The following ZC3H8 variants were observed in gnomAD, a reference collection of about 807,000 sequenced individuals.
ZC3H8 encodes zinc finger CCCH domain-containing protein 8.
In ZC3H8, 27 loss-of-function variants were observed where a neutral mutation model predicts 42.5. The ratio of observed to expected loss-of-function variants is 0.64; its 90% CI spans 0.47 to 0.88. The LOEUF is 0.88. Among genes scored for constraint, ZC3H8 ranks in the 40% least tolerant of loss-of-function variants. ZC3H8 has a pLI of 0.00. For synonymous variants in ZC3H8, 101 were observed against 110.1 expected, an observed-to-expected ratio of 0.92 and a Z score of 0.52; for missense variants, 277 against 336.1, an observed-to-expected ratio of 0.82 and a Z score of 1.37.
intron 2 of ZC3H8, among the ~76,000 whole-genome samples, chr2:112,248,990 T>C (rs1334302708): frequency 6.6e-6 from 1 of 151,858 alleles, no homozygotes; most frequent in African/African-American, 2.4e-5. Flanking sequence ...ACCCCAGGAG[T>C]TCGAGACCAG....
At chr2:112,254,767 GC>G in intron 1 of ZC3H8, 140 bp downstream of exon 1, 2 of 965,338 alleles carry the variant, frequency 2.1e-6, no homozygotes, top group Non-Finnish European at 3.0e-6. Context: ...AGACGGTGGC[GC>G]CCGGCCGGCC....
chr2:112,233,433 A>C, intron 5 of ZC3H8, 62 bp from the exon 6 acceptor site: 1 of 1,101,476 alleles, frequency 9.1e-7, no homozygotes, highest in Non-Finnish European at 1.3e-6. Flanking sequence ...ATTATGATTT[A>C]ATTCCTACTA....
chr2:112,240,320 GATCCTTTATGAAA>G lies in ZC3H8; in HGVS notation c.157-1805_157-1793del, dbSNP rs528155344. The G allele has an allele frequency of 1.9e-4, 29 of 152,290 alleles. No homozygotes were observed. In the East Asian group the frequency reaches 5.0e-3, roughly 26 times the overall value. 9.4% of individuals were successfully genotyped at this position (152,290 alleles called of 1,614,324 possible). ...ACAAAGGTGAAAAGATTCACTAACT[GATCCTTTATGAAA>G]AGGTTGGCCGACTCCTGTGATAGAT... On this transcript the variant is annotated intron_variant, in intron 2 of 8. Coordinates refer to ENST00000409573, the MANE Select transcript of ZC3H8 (RefSeq NM_032494.3).
chr2:112,216,524 G>A (rs1385522181), intron 8 of ZC3H8, 56 bp from the exon 9 acceptor site: 1 of 152,178 alleles, frequency 6.6e-6, no homozygotes, highest in Admixed American at 6.5e-5. Flanking sequence ...TACCAGCAGA[G>A]CCGCCCTTAC....
chr2:112,219,914 T>C (rs1039526204), intron 8 of ZC3H8, among the ~76,000 whole-genome samples: 1 of 152,216 alleles, frequency 6.6e-6, no homozygotes, highest in Non-Finnish European at 1.5e-5. Context: ...ACTTCATAGG[T>C]CTTTAAAAAT....
chr2:112,235,033 T>G (rs935401853), intron 4 of ZC3H8, among the ~76,000 whole-genome samples: 1 of 152,032 alleles, frequency 6.6e-6, no homozygotes, highest in Non-Finnish European at 1.5e-5. Context: ...GATAAAGGTA[T>G]AAAAGGAGAT....
chr2:112,253,155 C>G (rs1029025508), intron 1 of ZC3H8, among the ~76,000 whole-genome samples: 1 of 151,892 alleles, frequency 6.6e-6, no homozygotes, highest in Non-Finnish European at 1.5e-5. Flanking sequence ...AAAAAACCCA[C>G]AAAACTACTC....
chr2:112,254,781 C>T lies in ZC3H8; in HGVS notation c.74+127G>A, dbSNP rs1055192847. The T allele has an allele frequency of 7.1e-6, 8 of 1,133,334 alleles. No individual in the cohort carries two copies. In the Admixed American group the frequency reaches 2.1e-4, roughly 29 times the overall value. 70.2% of individuals were successfully genotyped at this position (1,133,334 alleles called of 1,614,324 possible). On this transcript the variant is annotated intron_variant, in intron 1 of 8. Coordinates refer to ENST00000409573, the MANE Select transcript of ZC3H8 (RefSeq NM_032494.3). The stretch of plus-strand genomic sequence containing the variant: ...CAGACGGTGGCGCCCGGCCGGCCCA[C>T]GTGCTCCCCACGGGCCCTCGCGACG...
intron 8 of ZC3H8, among the ~76,000 whole-genome samples, chr2:112,223,868 A>G (rs543348147): frequency 6.6e-6 from 1 of 152,362 alleles, no homozygotes; most frequent in Admixed American, 6.5e-5. Flanking sequence ...AAGGCCAGGC[A>G]CGGCAGCTCA....
In ZC3H8 at chr2:112,233,242, T is replaced by C. The variant is rs746930630; in HGVS notation, c.733+18A>G. On this transcript the variant is annotated intron_variant, in intron 6 of 8. Transcript: ENST00000409573. ...TGTAAATATTTATAAAGTCACCATA[T>C]CTTGTGATAAAGGATATTATGCAAA... 1.1e-5 allele frequency: 15 copies of C among 1,373,518 alleles called. No individual in the cohort carries two copies. In the African/African-American group the frequency reaches 1.3e-4, roughly 12 times the overall value. 85.1% of individuals were successfully genotyped at this position (1,373,518 alleles called of 1,614,324 possible).
chr2:112,242,656 T>G (rs1051752658), intron 2 of ZC3H8, among the ~76,000 whole-genome samples: 1 of 152,352 alleles, frequency 6.6e-6, no homozygotes, highest in Admixed American at 6.5e-5. Context: ...GTGGTTATTA[T>G]GTAACAATAC....
At position 112,245,425 on chromosome 2, in the gene ZC3H8, G is replaced by A. The variant is rs551590687; in HGVS notation, c.156+4766C>T. ...TCCCAGCACTTTGGGAGGCCGAGGC[G>A]GGCAGATCACTTGAGGCCAGGGGTT... On this transcript the variant is annotated intron_variant, in intron 2 of 8. Coordinates refer to ENST00000409573, the MANE Select transcript of ZC3H8 (RefSeq NM_032494.3). 2.7e-4 allele frequency among the ~76,000 whole-genome samples: 41 copies of A among 152,258 alleles called. No homozygotes were observed. In the South Asian group the frequency reaches 5.4e-3, roughly 20 times the overall value.
At chr2:112,243,752 A>G (rs2312459) in intron 2 of ZC3H8, among the ~76,000 whole-genome samples, 45,525 of 151,880 alleles carry the variant, frequency 0.3, 7,010 homozygotes, top group African/African-American at 0.34. Context: ...TAAAATATTT[A>G]TTGTCTTGTC....
intron 8 of ZC3H8, among the ~76,000 whole-genome samples, chr2:112,220,409 A>C (rs951559860): frequency 6.6e-6 from 1 of 152,138 alleles, no homozygotes; most frequent in Non-Finnish European, 1.5e-5. Flanking sequence ...TGCTTATGAA[A>C]CTTAGTTTGG....
chr2:112,247,856 T>C (rs1685811999), intron 2 of ZC3H8, among the ~76,000 whole-genome samples: 1 of 152,150 alleles, frequency 6.6e-6, no homozygotes, highest in Non-Finnish European at 1.5e-5. Flanking sequence ...ACTCAAGCAG[T>C]ATAAAAAACT....
intron 6 of ZC3H8, among the ~76,000 whole-genome samples, chr2:112,232,202 G>C (rs1023126598): frequency 2.6e-5 from 4 of 151,300 alleles, no homozygotes; most frequent in African/African-American, 9.7e-5. Context: ...TGTAATCCCA[G>C]CTACTCAGGA....
chr2:112,251,988 T>G lies in ZC3H8; in HGVS notation c.75-1716A>C, dbSNP rs571957716. Among the ~76,000 whole-genome samples the G allele has an allele frequency of 1.3e-4, 20 of 152,334 alleles. No individual in the cohort carries two copies. In the East Asian group the frequency reaches 2.5e-3, roughly 19 times the overall value. On this transcript the variant is annotated intron_variant, in intron 1 of 8. Coordinates refer to ENST00000409573, the MANE Select transcript of ZC3H8 (RefSeq NM_032494.3). ...CTACTTCTCAGTCTCCTTTGTTGGTTCCTTATCTTCACAACTTTCAAAGTC... is the reference window on the plus strand; with the variant it reads ...CTACTTCTCAGTCTCCTTTGTTGGTGCCTTATCTTCACAACTTTCAAAGTC...
Position 112,212,709 on chromosome 2 carries a change from G to C in ZC3H8, c.*3775C>G, listed in dbSNP as rs1684178925. 6.6e-6 allele frequency: 1 copy of C among 152,104 alleles called. No homozygotes were observed. The highest frequency in any genetic ancestry group is 2.4e-5 in the African/African-American group (1 of 41,416). The allele number at this position is 152,104 out of a possible 1,614,324, so 9.4% of individuals were successfully genotyped here. A position where few individuals can be genotyped will look rare whatever the true frequency, so the allele number is the denominator to read the frequency against. On this transcript the variant is annotated 3_prime_UTR_variant, in exon 9 of 9. Transcript: ENST00000409573. The stretch of plus-strand genomic sequence containing the variant: ...CTGTTTTCTTCAGCTAGCACCCCTT[G>C]AAATCTTAAGACAGCTGTCTCTGTT...
At position 112,217,684 on chromosome 2, in the gene ZC3H8, C is replaced by G. The variant is rs1394587180; in HGVS notation, c.*16-1216G>C. On this transcript the variant is annotated intron_variant, in intron 8 of 8. Coordinates refer to ENST00000409573, the MANE Select transcript of ZC3H8 (RefSeq NM_032494.3). ...ATCTTGCCAAAACAGTCTTTAGGTA[C>G]AGGAAAGCTTTCAAGCTCACAGGGA... Among the ~76,000 whole-genome samples the G allele has an allele frequency of 3.9e-5, 6 of 152,144 alleles. No individual in the cohort carries two copies. In the East Asian group the frequency reaches 1.2e-3, roughly 29 times the overall value.
Sources: gnomAD v4.1 joint callset for allele counts (sites outside exome capture counted in the v4.1 genomes callset) on GRCh38, gnomAD v4.1.1 for gene constraint, MANE v1.5 for transcripts, NCBI Gene and HGNC (gene_info 2026-07-23, HGNC 2026-07-21) for gene names.